Variants in TNFSF4 observed in about 807,000 individuals in gnomAD.
TNFSF4 encodes tumor necrosis factor ligand superfamily member 4.
In TNFSF4, 4 loss-of-function variants were observed where a neutral mutation model predicts 7.3. The ratio of observed to expected loss-of-function variants is 0.55; its 90% CI spans 0.27 to 1.25. TNFSF4 has a LOEUF of 1.25. TNFSF4 is among the 50% of genes most tolerant of loss of function. The pLI, the probability that TNFSF4 is intolerant of heterozygous loss-of-function variation, is 0.12. For missense variants in TNFSF4, 181 were observed against 208.8 expected, an observed-to-expected ratio of 0.87 and a Z score of 0.82; for synonymous variants, 76 against 83.7, an observed-to-expected ratio of 0.91 and a Z score of 0.50.
chr1:173,221,666 A>C, the TNFSF4 span, among the ~76,000 whole-genome samples: 1 of 152,186 alleles, frequency 6.6e-6, no homozygotes. Context: ...TGAAGAGCTC[A>C]GTTTTGCACA....
the TNFSF4 span, among the ~76,000 whole-genome samples, chr1:173,377,257 G>A: frequency 2.6e-5 from 4 of 152,284 alleles, no homozygotes; most frequent in South Asian, 8.3e-4. Context: ...TTTTTCCTTA[G>A]AATTTCGGGG....
the TNFSF4 span, among the ~76,000 whole-genome samples, chr1:173,296,992 A>C: frequency 6.8e-4 from 104 of 152,106 alleles, 1 homozygote; most frequent in African/African-American, 2.3e-3. Flanking sequence ...ACTGGAAGAA[A>C]GCCCACACAT....
the TNFSF4 span, among the ~76,000 whole-genome samples, chr1:173,246,438 T>C: frequency 8.5e-5 from 13 of 152,300 alleles, no homozygotes; most frequent in African/African-American, 2.9e-4. Context: ...ATCATTCTAC[T>C]ATAAAGACAC....
chr1:173,406,587 CG>C, the TNFSF4 span, among the ~76,000 whole-genome samples: 1 of 151,830 alleles, frequency 6.6e-6, no homozygotes, highest in Non-Finnish European at 1.5e-5. Flanking sequence ...TAATTCAGGC[CG>C]GATTCATTGC....
At chr1:173,438,302 A>G in the TNFSF4 span, among the ~76,000 whole-genome samples, 1 of 152,216 alleles carries the variant, frequency 6.6e-6, no homozygotes, top group South Asian at 2.1e-4. Flanking sequence ...AGGTCTAGCA[A>G]GTTTCTTGTT....
the TNFSF4 span, among the ~76,000 whole-genome samples, chr1:173,248,022 G>A: frequency 3.3e-5 from 5 of 152,134 alleles, no homozygotes; most frequent in Non-Finnish European, 5.9e-5. Context: ...TGATGAACAG[G>A]ACTTGAGGGG....
At chr1:173,301,369 T>C in the TNFSF4 span, among the ~76,000 whole-genome samples, 1 of 151,694 alleles carries the variant, frequency 6.6e-6, no homozygotes, top group South Asian at 2.1e-4. Flanking sequence ...TTACCATAAA[T>C]GTCATTACAA....
chr1:173,424,417 G>T, the TNFSF4 span, among the ~76,000 whole-genome samples: 4 of 152,182 alleles, frequency 2.6e-5, no homozygotes, highest in African/African-American at 9.7e-5. Context: ...CCATAAACAA[G>T]CTATGAGCTG....
At chr1:173,273,736 T>A in the TNFSF4 span, among the ~76,000 whole-genome samples, 1 of 152,244 alleles carries the variant, frequency 6.6e-6, no homozygotes, top group Admixed American at 6.5e-5. Flanking sequence ...TAGACTTTCA[T>A]CTGTAATATA....
upstream of TNFSF4, among the ~76,000 whole-genome samples, chr1:173,210,472 T>C (rs1650335457): frequency 1.3e-5 from 2 of 152,078 alleles, no homozygotes; most frequent in African/African-American, 4.8e-5. Flanking sequence ...GCAGTGTCAG[T>C]TCAGGGAACT....
chr1:173,296,295 C>T, the TNFSF4 span, among the ~76,000 whole-genome samples: 2 of 151,936 alleles, frequency 1.3e-5, no homozygotes, highest in Non-Finnish European at 2.9e-5. Context: ...TGTCTCATTA[C>T]GTGAATTTCA....
intron 1 of TNFSF4, among the ~76,000 whole-genome samples, chr1:173,189,862 T>C (rs552797606): frequency 1.3e-5 from 2 of 151,866 alleles, no homozygotes; most frequent in East Asian, 3.9e-4. Context: ...CATGGTCTAA[T>C]TTTTTAAAAA....
At chr1:173,383,491 T>C in the TNFSF4 span, among the ~76,000 whole-genome samples, 5 of 152,206 alleles carry the variant, frequency 3.3e-5, no homozygotes, top group African/African-American at 1.2e-4. Flanking sequence ...CTGTGGTTTG[T>C]ATAGCTTGGG....
the TNFSF4 span, among the ~76,000 whole-genome samples, chr1:173,263,661 T>C: frequency 1.3e-5 from 2 of 152,236 alleles, no homozygotes; most frequent in African/African-American, 4.8e-5. Context: ...TACTCTGTCA[T>C]GGAGAAACAC....
the TNFSF4 span, among the ~76,000 whole-genome samples, chr1:173,243,000 TGGGTGG>T: frequency 5.5e-4 from 3 of 5,406 alleles, 1 homozygote; most frequent in South Asian, 0.043. Flanking sequence ...AAGAAGTTGG[TGGGTGG>T]GGGGGGGGGG....
the TNFSF4 span, among the ~76,000 whole-genome samples, chr1:173,282,499 C>T: frequency 6.6e-6 from 1 of 151,312 alleles, no homozygotes; most frequent in Non-Finnish European, 1.5e-5. Flanking sequence ...CACTCTGTTG[C>T]CCAGGCTGGA....
At chr1:173,415,299 T>C in the TNFSF4 span, among the ~76,000 whole-genome samples, 1,186 of 152,320 alleles carry the variant, frequency 7.8e-3, 19 homozygotes, top group African/African-American at 0.027. Context: ...TGGTGCACTG[T>C]CAAGAGGCAA....
At chr1:173,175,956 T>G in the TNFSF4 span, among the ~76,000 whole-genome samples, 1 of 152,178 alleles carries the variant, frequency 6.6e-6, no homozygotes, top group Non-Finnish European at 1.5e-5. Flanking sequence ...TTTGTGTTTT[T>G]TTTCCTAATC....
At position 173,187,143 on chromosome 1, in the gene TNFSF4, A is replaced by G. The variant is rs1033053267; in HGVS notation, c.203-278T>C. Among the ~76,000 whole-genome samples the G allele has an allele frequency of 4.6e-5, 7 of 152,152 alleles. No homozygotes were observed. The East Asian group carries it at 5.8e-4, about 13-fold the overall frequency. On this transcript the variant is annotated intron_variant, in intron 2 of 2. Coordinates refer to ENST00000281834, the MANE Select transcript of TNFSF4 (RefSeq NM_003326.5). ...ACTGCTTTACCTGTGGAATGGAAGAAGAGGCAATGTTAACACTAATGCCCA... is the reference window on the plus strand; with the variant it reads ...ACTGCTTTACCTGTGGAATGGAAGAGGAGGCAATGTTAACACTAATGCCCA...
Sources: gnomAD v4.1 joint callset for allele counts (sites outside exome capture counted in the v4.1 genomes callset) on GRCh38, gnomAD v4.1.1 for gene constraint, MANE v1.5 for transcripts, NCBI Gene and HGNC (gene_info 2026-07-23, HGNC 2026-07-21) for gene names.